PLCXD3: variants seen among roughly 807,000 people sequenced by gnomAD.
PLCXD3 encodes phosphatidylinositol specific phospholipase C X domain containing 3.
PLCXD3 carries 19 observed loss-of-function variants against 25.5 expected under a neutral mutation model. That is an observed-to-expected ratio of 0.75 (90% CI 0.52 to 1.09). PLCXD3 has a LOEUF of 1.09. Among genes scored for constraint, PLCXD3 ranks in the 50% least tolerant of loss-of-function variants. The pLI, the probability that PLCXD3 is intolerant of heterozygous loss-of-function variation, is 0.00. For missense variants in PLCXD3, 411 were observed against 388.1 expected (o/e 1.06, Z -0.50); for synonymous variants, 174 against 137.6 (o/e 1.26, Z -1.85).
intron 1 of PLCXD3, among the ~76,000 whole-genome samples, chr5:41,437,616 TAC>T (rs1486067512): frequency 1.3e-5 from 2 of 152,094 alleles, no homozygotes; most frequent in African/African-American, 2.4e-5. Flanking sequence ...GTTCAAGAAA[TAC>T]AAATAAGCCA....
chr5:41,442,072 C>T (rs1456963417), intron 1 of PLCXD3, among the ~76,000 whole-genome samples: 1 of 152,154 alleles, frequency 6.6e-6, no homozygotes, highest in Admixed American at 6.5e-5. Context: ...ACATGGAGAT[C>T]AGCAAAAGAT....
intron 1 of PLCXD3, among the ~76,000 whole-genome samples, chr5:41,441,929 TA>T (rs1747394079): frequency 6.6e-6 from 1 of 152,248 alleles, no homozygotes; most frequent in African/African-American, 2.4e-5. Flanking sequence ...TTAAGTTTTG[TA>T]GAGGTCTCAA....
chr5:41,317,780 C>A (rs777304480), intron 2 of PLCXD3, among the ~76,000 whole-genome samples: 38 of 151,642 alleles, frequency 2.5e-4, no homozygotes, highest in Non-Finnish European at 3.2e-4. Context: ...GCAGAAGAAA[C>A]AGTGACCTTG....
intron 1 of PLCXD3, among the ~76,000 whole-genome samples, chr5:41,383,898 A>G (rs576110994): frequency 6.6e-6 from 1 of 152,128 alleles, no homozygotes; most frequent in East Asian, 1.9e-4. Flanking sequence ...TCTATATTCC[A>G]TATCTATGTA....
chr5:41,461,528 C>G (rs1747874820), intron 1 of PLCXD3, among the ~76,000 whole-genome samples: 1 of 151,996 alleles, frequency 6.6e-6, no homozygotes, highest in African/African-American at 2.4e-5. Context: ...TTCTAAAATG[C>G]TGGGTTACAG....
intron 1 of PLCXD3, among the ~76,000 whole-genome samples, chr5:41,414,638 C>A (rs1746651314): frequency 6.6e-6 from 1 of 152,176 alleles, no homozygotes. Flanking sequence ...TGCAGTTTTG[C>A]CTTCCGCAAT....
At chr5:41,462,291 T>G (rs920786918) in intron 1 of PLCXD3, among the ~76,000 whole-genome samples, 9 of 151,942 alleles carry the variant, frequency 5.9e-5, no homozygotes, top group Non-Finnish European at 1.3e-4. Flanking sequence ...ACAGAACTAG[T>G]GAGCTAACGA....
intron 2 of PLCXD3, among the ~76,000 whole-genome samples, chr5:41,325,597 G>A (rs1743603473): frequency 6.6e-6 from 1 of 152,130 alleles, no homozygotes; most frequent in African/African-American, 2.4e-5. Flanking sequence ...GGTGTCTGAA[G>A]AACTAATTTT....
At chr5:41,480,514 C>T (rs1196147173) in intron 1 of PLCXD3, among the ~76,000 whole-genome samples, 1 of 150,952 alleles carries the variant, frequency 6.6e-6, no homozygotes, top group Non-Finnish European at 1.5e-5. Context: ...GGGTTTAAGG[C>T]ATTAAGAAAA....
intron 1 of PLCXD3, among the ~76,000 whole-genome samples, chr5:41,410,951 G>T (rs1482714156): frequency 3.3e-5 from 5 of 152,088 alleles, no homozygotes; most frequent in African/African-American, 1.2e-4. Flanking sequence ...CTGCAGTTTG[G>T]GGCAGTCTTG....
At chr5:41,337,703 C>T (rs529237448) in intron 2 of PLCXD3, among the ~76,000 whole-genome samples, 1 of 152,134 alleles carries the variant, frequency 6.6e-6, no homozygotes, top group East Asian at 1.9e-4. Flanking sequence ...TTGTTTTTTT[C>T]CCCTTTAATC....
intron 2 of PLCXD3, among the ~76,000 whole-genome samples, chr5:41,378,216 T>G (rs1476251019): frequency 6.6e-6 from 1 of 152,048 alleles, no homozygotes; most frequent in Non-Finnish European, 1.5e-5. Flanking sequence ...TCCTATAGGC[T>G]CCATGCAGAA....
intron 2 of PLCXD3, among the ~76,000 whole-genome samples, chr5:41,378,605 A>T (rs367609267): frequency 7.2e-5 from 11 of 152,250 alleles, no homozygotes; most frequent in African/African-American, 2.4e-4. Context: ...TTAAAAATTA[A>T]TTCCATGTGC....
chr5:41,466,710 T>C (rs1748024870), intron 1 of PLCXD3, among the ~76,000 whole-genome samples: 1 of 152,104 alleles, frequency 6.6e-6, no homozygotes, highest in South Asian at 2.1e-4. Context: ...CCCCACCAAC[T>C]CCCTGCCTCC....
intron 2 of PLCXD3, among the ~76,000 whole-genome samples, chr5:41,337,445 T>C (rs1744017700): frequency 6.6e-6 from 1 of 152,178 alleles, no homozygotes; most frequent in Non-Finnish European, 1.5e-5. Context: ...TTGTGTACAG[T>C]ACTCTGTTCA....
intron 2 of PLCXD3, among the ~76,000 whole-genome samples, chr5:41,350,813 A>C (rs573910833): frequency 1.2e-3 from 177 of 152,342 alleles, no homozygotes; most frequent in Non-Finnish European, 2.2e-3. Context: ...ATATTGCATA[A>C]GCAAAATCTC....
At chr5:41,386,727 C>T (rs1745647729) in intron 1 of PLCXD3, among the ~76,000 whole-genome samples, 1 of 152,018 alleles carries the variant, frequency 6.6e-6, no homozygotes, top group Non-Finnish European at 1.5e-5. Flanking sequence ...CAATGGAAGT[C>T]ATTAATAGCT....
chr5:41,430,685 C>T (rs1747077912), intron 1 of PLCXD3, among the ~76,000 whole-genome samples: 1 of 152,128 alleles, frequency 6.6e-6, no homozygotes, highest in Non-Finnish European at 1.5e-5. Flanking sequence ...AGTGTCATTC[C>T]CTAGTTTCTC....
At chr5:41,390,234 T>G (rs868051477) in intron 1 of PLCXD3, among the ~76,000 whole-genome samples, 9 of 152,212 alleles carry the variant, frequency 5.9e-5, no homozygotes, top group African/African-American at 1.4e-4. Context: ...TTCCATCATT[T>G]GCATACATCA....
Sources: allele counts gnomAD v4.1 joint callset (sites outside exome capture counted in the v4.1 genomes callset), GRCh38; gene constraint gnomAD v4.1.1; transcripts MANE v1.5; gene names NCBI Gene and HGNC (gene_info 2026-07-23, HGNC 2026-07-21).